The following FGFR1 variants were observed in gnomAD, a reference collection of about 807,000 sequenced individuals.
The protein encoded by FGFR1 is FGFR1/PLAG1 fusion.
FGFR1 carries 18 observed loss-of-function variants against 93.7 expected under a neutral mutation model. The observed-to-expected ratio is 0.19, with a 90% CI of 0.13 to 0.28. The LOEUF is 0.28. Ranked by LOEUF, FGFR1 falls within the 10% of genes least tolerant of loss-of-function variation. The pLI is 1.00. For missense variants in FGFR1, 731 were observed against 1,080.4 expected (o/e 0.68, Z 4.53); for synonymous variants, 448 against 429.3 (o/e 1.04, Z -0.54).
chr8:38,467,925 G>C (rs1399205617), intron 1 of FGFR1, 56 bp downstream of exon 1: 5 of 217,294 alleles, frequency 2.3e-5, no homozygotes, highest in Admixed American at 5.8e-5. Context: ...CTCCGGCGCC[G>C]GGGGCCGCTC....
Position 38,424,423 on chromosome 8 carries a change from C to G in FGFR1, c.936+86G>C. On this transcript the variant is annotated intron_variant, in intron 7 of 17. Transcript: ENST00000447712. This position sits in a 1 kb window ranked among gnomAD's most constrained non-coding sequence, Gnocchi z 4.3. ...GAGGAATGATCCCATTCGGGGGCAA[C>G]TGAGCCTGCCCACAGGAACTTGAGC... 2.7e-6 allele frequency: 4 copies of G among 1,474,986 alleles called. No individual in the cohort carries two copies. The highest frequency in any genetic ancestry group is 3.8e-6 in the Non-Finnish European group (4 of 1,054,678). 91.4% of individuals were successfully genotyped at this position (1,474,986 alleles called of 1,614,324 possible).
chr8:38,461,205 G>A (rs1834322653), intron 1 of FGFR1: 2 of 1,460,556 alleles, frequency 1.4e-6, no homozygotes, highest in Non-Finnish European at 9.3e-7. Context: ...ACAGTGTCTG[G>A]TGAGATAGCA....
intron 1 of FGFR1, chr8:38,463,176 G>C (rs1834810176): frequency 6.1e-6 from 1 of 162,962 alleles, no homozygotes; most frequent in Non-Finnish European, 1.3e-5. Context: ...AAAGTGCTGG[G>C]ATTACAGGCA....
chr8:38,429,995 G>T lies in FGFR1; in HGVS notation c.92-47C>A, dbSNP rs755488173. On this transcript the variant is annotated intron_variant, in intron 2 of 17. Transcript: ENST00000447712. This position sits in a 1 kb window ranked among gnomAD's most constrained non-coding sequence, Gnocchi z 4.4. ...GAAGGGAAGCCAAGGGGCGAGAGAG[G>T]AAGACAGGGAGAGGGGAGGAGGGGA... The T allele has an allele frequency of 1.9e-6, 3 of 1,553,698 alleles. No homozygotes were observed. Among genetic ancestry groups the T allele is most frequent in the Non-Finnish European group, 2.6e-6 (3 of 1,147,912 alleles).
chr8:38,414,940 G>A (rs757656065), intron 13 of FGFR1, 39 bp from the exon 14 acceptor site: 3 of 1,586,500 alleles, frequency 1.9e-6, no homozygotes, highest in African/African-American at 1.3e-5. Flanking sequence ...GCGGGGAGGT[G>A]AGGGAGCTGG....
chr8:38,424,460 T>C lies in FGFR1; in HGVS notation c.936+49A>G. 1 of 1,606,838 alleles carries C rather than the reference T, an allele frequency of 6.2e-7. No homozygotes were observed. On this transcript the variant is annotated intron_variant, in intron 7 of 17. Transcript: ENST00000447712. The surrounding 1 kb of genome is among the most constrained non-coding windows in gnomAD (Gnocchi z 4.3). ...ACAGGAACTTGAGCCCCCGAGACAG[T>C]GGTCTCCTTCCCAGTAGACTGGCCC... is the stretch of plus-strand genomic sequence containing the variant.
rs17175940 is a variant in FGFR1 at position 38,424,971 on chromosome 8, T to G, written c.746-272A>C. Among the ~76,000 whole-genome samples the G allele has an allele frequency of 0.019, 2,919 of 152,234 alleles. 103 individuals carry two copies. Among genetic ancestry groups the G allele is most frequent in the African/African-American group, 0.065 (2,699 of 41,520 alleles). ...TTAATGGAGAACCTTCTAATTCAGT[T>G]GCACCCCCAGACCTCAGCACAACCT... On this transcript the variant is annotated intron_variant, in intron 6 of 17. Coordinates refer to ENST00000447712, the MANE Select transcript of FGFR1 (RefSeq NM_023110.3). This position sits in a 1 kb window ranked among gnomAD's most constrained non-coding sequence, Gnocchi z 4.3.
At chr8:38,418,447 C>A (rs1817560440) in intron 9 of FGFR1, 74 bp from the exon 10 acceptor site, 1 of 1,519,632 alleles carries the variant, frequency 6.6e-7, no homozygotes, top group Admixed American at 1.9e-5. Flanking sequence ...TTAGTCAGGG[C>A]TTCCCAACAA....
intron 2 of FGFR1, among the ~76,000 whole-genome samples, chr8:38,451,291 T>C (rs1004760585): frequency 1.3e-5 from 2 of 151,542 alleles, no homozygotes; most frequent in African/African-American, 2.4e-5. Flanking sequence ...AAGGCAGCCT[T>C]GGGACACAGG....
intron 1 of FGFR1, chr8:38,461,106 T>C (rs1386976928): frequency 6.5e-7 from 1 of 1,536,092 alleles, no homozygotes; most frequent in Non-Finnish European, 8.7e-7. Context: ...CTTGCCTCCA[T>C]CACAGGTGGT....
intron 2 of FGFR1, 59 bp downstream of exon 2, chr8:38,457,297 C>G (rs2151337810): frequency 6.3e-7 from 1 of 1,586,568 alleles, no homozygotes; most frequent in Non-Finnish European, 8.6e-7. Context: ...TCACCTCCCT[C>G]CCAGCCCATC....
intron 2 of FGFR1, among the ~76,000 whole-genome samples, chr8:38,431,969 T>C (rs936290005): frequency 5.9e-5 from 9 of 152,200 alleles, no homozygotes; most frequent in Non-Finnish European, 1.5e-5. Context: ...CTTCTATTGA[T>C]CAAATCTCAT....
At chr8:38,467,365 C>G (rs1835785680) in intron 1 of FGFR1, among the ~76,000 whole-genome samples, 1 of 151,194 alleles carries the variant, frequency 6.6e-6, no homozygotes, top group Admixed American at 6.6e-5. Context: ...GAGAAGCTAA[C>G]CTAGCCCTCC....
intron 1 of FGFR1, among the ~76,000 whole-genome samples, chr8:38,460,139 C>G (rs1834028097): frequency 6.6e-6 from 1 of 152,154 alleles, no homozygotes; most frequent in African/African-American, 2.4e-5. Context: ...GCCGAGATTG[C>G]ATCACTGCAC....
intron 2 of FGFR1, among the ~76,000 whole-genome samples, chr8:38,445,679 C>A (rs545672053): frequency 2.6e-5 from 4 of 151,696 alleles, no homozygotes; most frequent in African/African-American, 9.7e-5. Context: ...GCTGGGATTA[C>A]AGGCGCCTGC....
chr8:38,447,147 ACACACC>A (rs1295272422), intron 2 of FGFR1, among the ~76,000 whole-genome samples: 1 of 124,824 alleles, frequency 8.0e-6, no homozygotes, highest in African/African-American at 3.1e-5. Context: ...ACACACACAC[ACACACC>A]CCTGACAAAG....
intron 1 of FGFR1, among the ~76,000 whole-genome samples, chr8:38,457,754 G>A (rs889009127): frequency 9.9e-5 from 15 of 152,262 alleles, no homozygotes; most frequent in Admixed American, 3.3e-4. Flanking sequence ...GGGAGGCTGA[G>A]GCGGGAGGAT....
rs138421779 is a variant in FGFR1 at position 38,413,408 on chromosome 8, A to G, written c.*220T>C. 271 of 570,806 alleles carry G rather than the reference A, an allele frequency of 4.7e-4. 1 individual carries two copies. The East Asian group carries it at 7.2e-3, about 15-fold the overall frequency. 35.4% of individuals were successfully genotyped at this position (570,806 alleles called of 1,614,324 possible). ...GAGGGGATGAAGTGGCTGGCAGCAA[A>G]GATCTGCCTCTTTGCACCTCTCACC... On this transcript the variant is annotated 3_prime_UTR_variant, in exon 18 of 18. Coordinates refer to ENST00000447712, the MANE Select transcript of FGFR1 (RefSeq NM_023110.3). This position sits in a 1 kb window ranked among gnomAD's most constrained non-coding sequence, Gnocchi z 4.2.
intron 2 of FGFR1, among the ~76,000 whole-genome samples, chr8:38,431,647 T>C (rs931576091): frequency 2.0e-5 from 3 of 152,096 alleles, no homozygotes; most frequent in African/African-American, 7.2e-5. Context: ...GACAGTGGTT[T>C]CTCTTGGGGG....
Sources: gnomAD v4.1 joint callset for allele counts (sites outside exome capture counted in the v4.1 genomes callset) on GRCh38, gnomAD v4.1.1 for gene constraint, Gnocchi (gnomAD v3.1) non-coding constraint, MANE v1.5 for transcripts, NCBI Gene and HGNC (gene_info 2026-07-23, HGNC 2026-07-21) for gene names.